The following CUX2 variants were observed in gnomAD, a reference collection of about 807,000 sequenced individuals.
CUX2 encodes the protein cut like homeobox 2.
Under a neutral mutation model 144.8 loss-of-function variants are expected in CUX2, and 40 were observed. The observed-to-expected ratio is 0.28, with a 90% CI of 0.21 to 0.36. The LOEUF (loss-of-function observed/expected upper bound fraction) is 0.36. Ranked by LOEUF, CUX2 falls within the 10% of genes least tolerant of loss-of-function variation. CUX2 has a pLI of 1.00. For missense variants in CUX2, 1,615 were observed against 1,994.0 expected (o/e 0.81, Z 3.62); for synonymous variants, 827 against 875.6 (o/e 0.94, Z 0.98).
At chr12:111,175,027 CCA>C (rs1491209479) in intron 1 of CUX2, among the ~76,000 whole-genome samples, 3 of 152,160 alleles carry the variant, frequency 2.0e-5, no homozygotes, top group Admixed American at 6.5e-5. Context: ...CAGCTCCCCC[CCA>C]CACACAGAAG....
chr12:111,150,488 G>T (rs1876968212), intron 1 of CUX2, among the ~76,000 whole-genome samples: 1 of 152,154 alleles, frequency 6.6e-6, no homozygotes. Flanking sequence ...GAGAAAGCTG[G>T]TTCTTTATTT....
chr12:111,141,309 T>G (rs1047957305), intron 1 of CUX2, among the ~76,000 whole-genome samples: 1 of 152,154 alleles, frequency 6.6e-6, no homozygotes, highest in African/African-American at 2.4e-5. Context: ...GACAAATCTT[T>G]GGTGGCAGTT....
intron 1 of CUX2, among the ~76,000 whole-genome samples, chr12:111,211,612 G>A (rs1374325168): frequency 6.6e-6 from 1 of 152,190 alleles, no homozygotes; most frequent in Non-Finnish European, 1.5e-5. Context: ...ACGGCCGGGT[G>A]TGGTGGCTCA....
chr12:111,235,776 A>G (rs1295299390), intron 3 of CUX2, among the ~76,000 whole-genome samples: 1 of 151,286 alleles, frequency 6.6e-6, no homozygotes, highest in Non-Finnish European at 1.5e-5. Context: ...GGACAGCGAC[A>G]GAGGAGCAGC....
chr12:111,150,551 A>G (rs972325927), intron 1 of CUX2, among the ~76,000 whole-genome samples: 2 of 152,184 alleles, frequency 1.3e-5, no homozygotes, highest in African/African-American at 4.8e-5. Context: ...AAACACAACA[A>G]CAGATGAGTG....
chr12:111,244,428 C>T (rs931316349), intron 3 of CUX2, among the ~76,000 whole-genome samples: 3 of 152,248 alleles, frequency 2.0e-5, no homozygotes, highest in African/African-American at 7.2e-5. Context: ...CATGTTGTCG[C>T]TAGATAGCAC....
chr12:111,313,209 G>A (rs1472469442), intron 16 of CUX2, among the ~76,000 whole-genome samples: 10 of 149,250 alleles, frequency 6.7e-5, no homozygotes, highest in Middle Eastern at 3.5e-3. Context: ...TTACACGCAC[G>A]CGCCACCACA....
intron 18 of CUX2, among the ~76,000 whole-genome samples, chr12:111,329,810 T>C (rs1888010375): frequency 6.6e-6 from 1 of 152,156 alleles, no homozygotes. Flanking sequence ...TAATTTTTTG[T>C]ATTTTTAGTA....
intron 1 of CUX2, among the ~76,000 whole-genome samples, chr12:111,210,990 G>A (rs1881195115): frequency 6.6e-6 from 1 of 152,130 alleles, no homozygotes; most frequent in Non-Finnish European, 1.5e-5. Flanking sequence ...AGAATTGACT[G>A]TAGTATATTT....
chr12:111,141,771 G>A (rs1407002602), intron 1 of CUX2, among the ~76,000 whole-genome samples: 3 of 152,188 alleles, frequency 2.0e-5, no homozygotes, highest in African/African-American at 4.8e-5. Context: ...TTGCTATGGT[G>A]ACCGTGACAT....
At chr12:111,145,015 C>T (rs1876575775) in intron 1 of CUX2, among the ~76,000 whole-genome samples, 1 of 152,184 alleles carries the variant, frequency 6.6e-6, no homozygotes, top group Non-Finnish European at 1.5e-5. Context: ...GCAGCTTGGC[C>T]TCCATCTTCT....
At chr12:111,306,880 T>C in intron 10 of CUX2, 41 bp from the exon 11 acceptor site, 1 of 1,516,600 alleles carries the variant, frequency 6.6e-7, no homozygotes, top group South Asian at 1.3e-5. Flanking sequence ...TGGACCCCCA[T>C]CCCTCACCTC....
At chr12:111,064,138 G>A (rs1050139579) in intron 1 of CUX2, among the ~76,000 whole-genome samples, 1 of 152,124 alleles carries the variant, frequency 6.6e-6, no homozygotes, top group Non-Finnish European at 1.5e-5. Flanking sequence ...CTTAGGAGTG[G>A]GCAGGAAAGA....
intron 1 of CUX2, among the ~76,000 whole-genome samples, chr12:111,058,825 AG>A (rs1870645802): frequency 6.6e-6 from 1 of 152,222 alleles, no homozygotes; most frequent in Non-Finnish European, 1.5e-5. Flanking sequence ...CTCCATAGAC[AG>A]AGTAGGACAT....
chr12:111,291,963 G>A (rs771609955), intron 5 of CUX2, among the ~76,000 whole-genome samples: 16 of 152,142 alleles, frequency 1.1e-4, no homozygotes, highest in Non-Finnish European at 1.5e-5. Flanking sequence ...TGGACATGAC[G>A]CAGGTGAGGC....
intron 2 of CUX2, among the ~76,000 whole-genome samples, chr12:111,217,064 A>G (rs1007492897): frequency 2.0e-5 from 3 of 152,142 alleles, no homozygotes; most frequent in African/African-American, 7.2e-5. Flanking sequence ...CTCGGGACAC[A>G]TGGTTCTTAA....
Position 111,341,846 on chromosome 12 carries a change from C to T in CUX2, c.3452C>T (p.Ser1151Leu). 6.2e-7 allele frequency: 1 copy of T among 1,613,668 alleles called. No individual in the cohort carries two copies. Residue 1151 changes from serine to leucine, a missense_variant, in exon 21 of 22, where the codon TCA (serine) becomes TTA (leucine). Ser to Leu is a moderately radical substitution (Grantham distance 145). Transcript: ENST00000261726. The part of the protein sequence containing the change: ...GSDSESPATR[S>L]ECPSPCLQPQ... ...GACAGTGAGTCCCCGGCCACCCGCT[C>T]AGAGTGCCCCAGCCCCTGCCTGCAG...
chr12:111,301,044 A>G (rs2136350930), intron 9 of CUX2, among the ~76,000 whole-genome samples: 1 of 152,064 alleles, frequency 6.6e-6, no homozygotes, highest in African/African-American at 2.4e-5. Flanking sequence ...ATCTCAAAAA[A>G]AAAAAAAAAA....
At chr12:111,173,842 TA>T (rs1450282969) in intron 1 of CUX2, among the ~76,000 whole-genome samples, 2 of 152,180 alleles carry the variant, frequency 1.3e-5, no homozygotes. Context: ...TTTGCATTTC[TA>T]ACAAGATCCC....
Sources: gnomAD v4.1 joint callset for allele counts (sites outside exome capture counted in the v4.1 genomes callset) on GRCh38, gnomAD v4.1.1 for gene constraint, MANE v1.5 for transcripts, NCBI Gene and HGNC (gene_info 2026-07-23, HGNC 2026-07-21) for gene names.